The following PTPRN2 variants were observed in gnomAD, a reference collection of about 807,000 sequenced individuals.
The protein encoded by PTPRN2 is protein tyrosine phosphatase receptor type N2.
In PTPRN2, 74 loss-of-function variants were observed where a neutral mutation model predicts 118.8. That is an observed-to-expected ratio of 0.62 (90% CI 0.52 to 0.76). The LOEUF (loss-of-function observed/expected upper bound fraction) is 0.76, where lower values mean the gene tolerates loss of function less well. Ranked by LOEUF, PTPRN2 falls within the 30% of genes least tolerant of loss-of-function variation. The pLI, the probability that PTPRN2 is intolerant of heterozygous loss-of-function variation, is 0.00. For missense variants in PTPRN2, 1,481 were observed against 1,394.4 expected (o/e 1.06, Z -0.99); for synonymous variants, 641 against 608.0 (o/e 1.05, Z -0.80).
intron 12 of PTPRN2, among the ~76,000 whole-genome samples, chr7:157,696,864 A>G (rs1392112965): frequency 8.7e-6 from 1 of 115,602 alleles, no homozygotes; most frequent in Non-Finnish European, 1.8e-5. Flanking sequence ...CTACACATGC[A>G]TACTGGGTCT....
intron 1 of PTPRN2, among the ~76,000 whole-genome samples, chr7:158,501,387 G>GC (rs948516102): frequency 2.0e-5 from 3 of 152,166 alleles, no homozygotes; most frequent in Admixed American, 1.3e-4. Flanking sequence ...AGTTCAGGAG[G>GC]CCCCAGTGCT....
At chr7:158,397,813 A>C (rs1049725001) in intron 2 of PTPRN2, among the ~76,000 whole-genome samples, 1 of 152,338 alleles carries the variant, frequency 6.6e-6, no homozygotes, top group African/African-American at 2.4e-5. Flanking sequence ...AAACAGCTAC[A>C]TGCACACACA....
chr7:158,136,834 A>G (rs1472371081), intron 7 of PTPRN2, 139 bp from the exon 8 acceptor site: 1 of 771,012 alleles, frequency 1.3e-6, no homozygotes, highest in East Asian at 2.6e-5. Flanking sequence ...CCTGCCATAG[A>G]GTAAACCTTT....
intron 3 of PTPRN2, among the ~76,000 whole-genome samples, chr7:158,252,375 C>T (rs575607982): frequency 6.6e-6 from 1 of 152,298 alleles, no homozygotes; most frequent in South Asian, 2.1e-4. Flanking sequence ...GTTCGGATGG[C>T]TCAGATGAAG....
intron 14 of PTPRN2, among the ~76,000 whole-genome samples, chr7:157,654,327 C>T (rs534322313): frequency 7.5e-4 from 114 of 151,500 alleles, no homozygotes; most frequent in African/African-American, 2.5e-3. Context: ...ACACTGTGCC[C>T]GCCGCTCCCC....
At chr7:158,164,299 C>T (rs142715073) in intron 6 of PTPRN2, among the ~76,000 whole-genome samples, 2 of 150,694 alleles carry the variant, frequency 1.3e-5, no homozygotes, top group African/African-American at 2.5e-5. Context: ...AGGAAGGGCA[C>T]GCAGAGCAGG....
intron 1 of PTPRN2, among the ~76,000 whole-genome samples, chr7:158,567,780 T>C (rs1788657680): frequency 6.6e-6 from 1 of 152,104 alleles, no homozygotes; most frequent in Non-Finnish European, 1.5e-5. Flanking sequence ...CCACACCTGA[T>C]GAGGGGCAGA....
chr7:157,578,266 C>T (rs1388447111), intron 17 of PTPRN2, 126 bp from the exon 18 acceptor site: 4 of 1,212,776 alleles, frequency 3.3e-6, no homozygotes, highest in Non-Finnish European at 4.5e-6. Flanking sequence ...TCATTTTCAT[C>T]AGACATGTTT....
At chr7:158,145,770 C>T (rs922576632) in intron 6 of PTPRN2, among the ~76,000 whole-genome samples, 5 of 152,172 alleles carry the variant, frequency 3.3e-5, no homozygotes, top group Non-Finnish European at 5.9e-5. Flanking sequence ...GGACCTTAGA[C>T]ACATTTAAAG....
intron 2 of PTPRN2, among the ~76,000 whole-genome samples, chr7:158,457,437 CGGCCTGCGGG>C (rs1818601462): frequency 1.3e-5 from 2 of 152,060 alleles, no homozygotes; most frequent in Non-Finnish European, 2.9e-5. Flanking sequence ...GGTGCTACCT[CGGCCTGCGGG>C]ACCACAGCGG....
intron 1 of PTPRN2, among the ~76,000 whole-genome samples, chr7:158,569,897 C>A (rs1226685127): frequency 4.6e-5 from 7 of 151,226 alleles, no homozygotes; most frequent in Non-Finnish European, 8.9e-5. Context: ...GACAGGAACT[C>A]GGGGCGCGAG....
chr7:157,551,664 C>G (rs1188726735), intron 21 of PTPRN2, among the ~76,000 whole-genome samples: 1 of 143,524 alleles, frequency 7.0e-6, no homozygotes, highest in African/African-American at 2.6e-5. Flanking sequence ...CCATCACACA[C>G]CCCACGGGCA....
intron 3 of PTPRN2, among the ~76,000 whole-genome samples, chr7:158,278,162 C>T (rs1419441858): frequency 6.6e-6 from 1 of 152,170 alleles, no homozygotes; most frequent in African/African-American, 2.4e-5. Context: ...TAGAACATTC[C>T]TAGAGCCAGA....
At chr7:158,144,861 C>G (rs1419658518) in intron 6 of PTPRN2, among the ~76,000 whole-genome samples, 1 of 152,196 alleles carries the variant, frequency 6.6e-6, no homozygotes, top group East Asian at 1.9e-4. Flanking sequence ...ATGCTTATTC[C>G]CCTCTCAAAC....
chr7:158,009,002 G>A (rs1015392870), intron 11 of PTPRN2, among the ~76,000 whole-genome samples: 7 of 151,844 alleles, frequency 4.6e-5, no homozygotes, highest in Admixed American at 6.6e-5. Flanking sequence ...CTAGCTCCCC[G>A]CACTCCCTGC....
intron 11 of PTPRN2, among the ~76,000 whole-genome samples, chr7:158,013,398 A>ATCCATCCATTTC (rs1806182889): frequency 6.6e-6 from 1 of 151,908 alleles, no homozygotes; most frequent in Admixed American, 6.6e-5. Flanking sequence ...CCTTCCATTC[A>ATCCATCCATTTC]TCCATCCATT....
rs1818607171 is a variant in PTPRN2, at chr7:158,134,050, G to T, written c.1183C>A (p.Leu395Met). 1 of 1,612,998 alleles carries T rather than the reference G, an allele frequency of 6.2e-7. No individual in the cohort carries two copies. Among genetic ancestry groups the T allele is most frequent in the Admixed American group, 1.7e-5 (1 of 59,958 alleles). The change falls in exon 9 of 23, where the codon CTG becomes ATG. Residue 395 changes from leucine to methionine, a missense_variant. Coordinates refer to ENST00000389418, the MANE Select transcript of PTPRN2 (RefSeq NM_002847.5). ...DDRLYQEVHR[L>M]SATLGGLLQD... ...AGGAGGCCCCCGAGTGTGGCACTCA[G>T]ACGATGGACCTGACAGAGAGGACAT...
intron 9 of PTPRN2, among the ~76,000 whole-genome samples, chr7:158,121,164 G>A (rs144382220): frequency 6.7e-4 from 102 of 152,124 alleles, no homozygotes; most frequent in Non-Finnish European, 1.1e-3. Context: ...TGCTCCCATC[G>A]CTGACCTGCC....
intron 2 of PTPRN2, among the ~76,000 whole-genome samples, chr7:158,350,772 TCA>T (rs1807865600): frequency 6.6e-6 from 1 of 152,126 alleles, no homozygotes; most frequent in African/African-American, 2.4e-5. Context: ...TCACCCAGCC[TCA>T]CAGTTCAGAT....
Sources: allele counts gnomAD v4.1 joint callset (sites outside exome capture counted in the v4.1 genomes callset), GRCh38; gene constraint gnomAD v4.1.1; transcripts MANE v1.5; gene names NCBI Gene and HGNC (gene_info 2026-07-23, HGNC 2026-07-21).